CACNA2D3: variants seen among roughly 807,000 people sequenced by gnomAD.
The protein encoded by CACNA2D3 is calcium voltage-gated channel auxiliary subunit alpha2delta 3, also known as voltage-dependent calcium channel subunit alpha-2/delta-3.
A neutral mutation model predicts 160.6 loss-of-function variants in CACNA2D3; 60 were observed. That is an observed-to-expected ratio of 0.37 (90% confidence interval 0.30 to 0.46). CACNA2D3 has a LOEUF of 0.46. Ranked by LOEUF, CACNA2D3 falls within the 20% of genes least tolerant of loss-of-function variation. CACNA2D3 has a pLI of 1.00. For synonymous variants in CACNA2D3, 558 were observed against 492.9 expected (o/e 1.13, Z -1.75); for missense variants, 1,205 against 1,365.0 (o/e 0.88, Z 1.85).
intron 11 of CACNA2D3, among the ~76,000 whole-genome samples, chr3:54,693,226 G>A (rs1700600424): frequency 6.6e-6 from 1 of 152,208 alleles, no homozygotes; most frequent in Non-Finnish European, 1.5e-5. Flanking sequence ...AGGAATAAAG[G>A]ATAATCCTTT....
At chr3:54,737,176 GTGTATA>G (rs1009248582) in intron 11 of CACNA2D3, among the ~76,000 whole-genome samples, 1 of 104,682 alleles carries the variant, frequency 9.6e-6, no homozygotes, top group African/African-American at 3.9e-5. Flanking sequence ...TTATATCCAT[GTGTATA>G]TGTGTGTGTG....
At chr3:54,924,580 T>C (rs769845456) in intron 27 of CACNA2D3, 1 of 1,486,638 alleles carries the variant, frequency 6.7e-7, no homozygotes, top group South Asian at 1.2e-5. Flanking sequence ...CCTAGGCTGG[T>C]AACACACAGA....
intron 2 of CACNA2D3, among the ~76,000 whole-genome samples, chr3:54,234,389 G>C (rs1476189756): frequency 6.6e-6 from 1 of 152,136 alleles, no homozygotes; most frequent in Non-Finnish European, 1.5e-5. Context: ...AGAAAAGGAA[G>C]CACTTATACA....
At chr3:54,951,934 C>T (rs1175810378) in intron 27 of CACNA2D3, among the ~76,000 whole-genome samples, 1 of 152,108 alleles carries the variant, frequency 6.6e-6, no homozygotes, top group Non-Finnish European at 1.5e-5. Context: ...CTGCAACCTC[C>T]CTACCCCAGG....
chr3:54,129,016 C>G (rs1022205247), intron 2 of CACNA2D3, among the ~76,000 whole-genome samples: 1 of 152,158 alleles, frequency 6.6e-6, no homozygotes, highest in African/African-American at 2.4e-5. Flanking sequence ...TCCTTATCAG[C>G]CCTCTTTGGT....
chr3:55,028,687 T>A (rs1703616202), intron 35 of CACNA2D3, among the ~76,000 whole-genome samples: 1 of 152,334 alleles, frequency 6.6e-6, no homozygotes, highest in South Asian at 2.1e-4. Flanking sequence ...TTTAAACACA[T>A]GTAACATTTT....
chr3:54,522,929 T>TTACTTACTTACTTACTTACTTAC (rs1559503829), intron 5 of CACNA2D3, among the ~76,000 whole-genome samples: 1 of 104,904 alleles, frequency 9.5e-6, no homozygotes, highest in East Asian at 2.6e-4. Flanking sequence ...TATTTATTTA[T>TTACTTACTTACTTACTTACTTAC]TTATTTACTT....
chr3:55,008,921 A>ACACAC lies in CACNA2D3; in HGVS notation c.2820-463_2820-462insCCACA, dbSNP rs1703154350. The stretch of plus-strand genomic sequence containing the variant: ...CACACACACACACACACACACACAC[A>ACACAC]CACAGGGGGCTTAAACAAGTTCAAG... On this transcript the variant is annotated intron_variant, in intron 33 of 37. Transcript: ENST00000474759. 2.0e-5 allele frequency among the ~76,000 whole-genome samples: 3 copies of ACACAC among 148,324 alleles called. No individual in the cohort carries two copies. The East Asian group carries it at 5.8e-4, about 29-fold the overall frequency.
intron 32 of CACNA2D3, among the ~76,000 whole-genome samples, chr3:55,007,538 T>C (rs1703123948): frequency 6.6e-6 from 1 of 152,248 alleles, no homozygotes; most frequent in Non-Finnish European, 1.5e-5. Context: ...CTCCCACTGA[T>C]AACCCTTGTA....
intron 2 of CACNA2D3, among the ~76,000 whole-genome samples, chr3:54,214,857 G>A (rs769164410): frequency 6.6e-6 from 1 of 152,238 alleles, no homozygotes; most frequent in Non-Finnish European, 1.5e-5. Flanking sequence ...CCCATTTGGA[G>A]CTCAGGGGTT....
At chr3:54,954,647 A>C (rs1465693595) in intron 27 of CACNA2D3, among the ~76,000 whole-genome samples, 1 of 152,148 alleles carries the variant, frequency 6.6e-6, no homozygotes, top group Non-Finnish European at 1.5e-5. Context: ...AGAGAGGACA[A>C]ACTGGCCCAG....
chr3:54,876,118 A>G (rs1321627844), intron 18 of CACNA2D3, among the ~76,000 whole-genome samples: 1 of 152,058 alleles, frequency 6.6e-6, no homozygotes, highest in Non-Finnish European at 1.5e-5. Context: ...CCAGTTGTTC[A>G]CTGTTGTAAA....
intron 2 of CACNA2D3, among the ~76,000 whole-genome samples, chr3:54,145,315 G>T (rs140806668): frequency 6.6e-6 from 1 of 152,224 alleles, no homozygotes; most frequent in African/African-American, 2.4e-5. Context: ...CGCTGTGCAC[G>T]GTGGTAGGGG....
chr3:54,870,724 G>A (rs1055844835), intron 17 of CACNA2D3, among the ~76,000 whole-genome samples: 5 of 152,112 alleles, frequency 3.3e-5, no homozygotes, highest in African/African-American at 1.2e-4. Context: ...TGCCCTAACA[G>A]CCATTACATC....
At chr3:54,627,940 A>T in intron 10 of CACNA2D3, 64 bp downstream of exon 10, 2 of 1,154,744 alleles carry the variant, frequency 1.7e-6, no homozygotes, top group South Asian at 2.6e-5. Context: ...GTTTTAGAAA[A>T]TTGTGGGCCA....
chr3:54,193,214 G>A lies in CACNA2D3; in HGVS notation c.204+69620G>A, dbSNP rs535091707. ...GAACCTGGTTTCAGCCCAGGTGGTG[G>A]GACTTTATGTCCCTATTCCTTAGAG... On this transcript the variant is annotated intron_variant, in intron 2 of 37. Coordinates refer to ENST00000474759, the MANE Select transcript of CACNA2D3 (RefSeq NM_018398.3). 2.0e-5 allele frequency among the ~76,000 whole-genome samples: 3 copies of A among 152,268 alleles called. No individual in the cohort carries two copies. In the Middle Eastern group the frequency reaches 0.01, roughly 518 times the overall value.
At chr3:54,912,758 T>A (rs777232533) in intron 27 of CACNA2D3, among the ~76,000 whole-genome samples, 5 of 152,148 alleles carry the variant, frequency 3.3e-5, no homozygotes, top group Non-Finnish European at 7.4e-5. Flanking sequence ...CTGCTAGATG[T>A]TAAGTTTCAT....
chr3:54,148,492 T>C (rs568191178), intron 2 of CACNA2D3, among the ~76,000 whole-genome samples: 1 of 152,212 alleles, frequency 6.6e-6, no homozygotes, highest in Non-Finnish European at 1.5e-5. Context: ...GACACTAGCA[T>C]GTGGCAGGGG....
chr3:54,816,916 G>A, intron 14 of CACNA2D3, 46 bp downstream of exon 14: 1 of 1,601,862 alleles, frequency 6.2e-7, no homozygotes, highest in Admixed American at 1.7e-5. Context: ...GAACTCACGA[G>A]TCATGCATGC....
Sources: allele counts gnomAD v4.1 joint callset (sites outside exome capture counted in the v4.1 genomes callset), GRCh38; gene constraint gnomAD v4.1.1; transcripts MANE v1.5; gene names NCBI Gene and HGNC (gene_info 2026-07-23, HGNC 2026-07-21).